HECW1: variants seen among roughly 807,000 people sequenced by gnomAD.
The protein encoded by HECW1 is E3 ubiquitin-protein ligase HECW1.
HECW1 carries 61 observed loss-of-function variants against 182.3 expected under a neutral mutation model. The ratio of observed to expected loss-of-function variants is 0.33; its 90% CI spans 0.27 to 0.41. The LOEUF (loss-of-function observed/expected upper bound fraction) is 0.41. Among genes scored for constraint, HECW1 ranks in the 10% least tolerant of loss-of-function variants. HECW1 has a pLI of 1.00. For missense variants in HECW1, 1,739 were observed against 2,108.9 expected (o/e 0.82, Z 3.44); for synonymous variants, 859 against 832.6 (o/e 1.03, Z -0.55).
chr7:43,143,357 A>C (rs1025025740), intron 2 of HECW1, among the ~76,000 whole-genome samples: 1 of 152,052 alleles, frequency 6.6e-6, no homozygotes, highest in Non-Finnish European at 1.5e-5. Flanking sequence ...GATCACAGCT[A>C]ACTGCAGCCT....
intron 16 of HECW1, 110 bp from the exon 17 acceptor site, chr7:43,479,500 G>A (rs1444069644): frequency 2.3e-6 from 3 of 1,280,914 alleles, no homozygotes; most frequent in African/African-American, 3.0e-5. Flanking sequence ...GGGGAGGCTG[G>A]GCAGAAATAA....
At chr7:43,436,163 C>CA (rs750081980) in intron 8 of HECW1, among the ~76,000 whole-genome samples, 29,916 of 66,916 alleles carry the variant, frequency 0.45, 6,021 homozygotes, top group Middle Eastern at 0.61. Context: ...GACTTTGTCT[C>CA]AAAAAAAAAA....
intron 17 of HECW1, among the ~76,000 whole-genome samples, chr7:43,480,719 G>A (rs1028214869): frequency 7.1e-5 from 10 of 141,104 alleles, no homozygotes; most frequent in South Asian, 2.4e-4. Context: ...ACATATATAC[G>A]CATATATATA....
At chr7:43,479,232 TG>T (rs2078329055) in intron 16 of HECW1, among the ~76,000 whole-genome samples, 1 of 152,188 alleles carries the variant, frequency 6.6e-6, no homozygotes, top group African/African-American at 2.4e-5. Context: ...TGCTGCCATC[TG>T]GGGGTAACGA....
chr7:43,332,403 A>G (rs1032294022), intron 5 of HECW1, among the ~76,000 whole-genome samples: 1 of 152,194 alleles, frequency 6.6e-6, no homozygotes, highest in African/African-American at 2.4e-5. Context: ...ATCCCCAGGC[A>G]TGCGCACAGG....
intron 5 of HECW1, among the ~76,000 whole-genome samples, chr7:43,355,724 G>C (rs1253982085): frequency 6.6e-6 from 1 of 152,164 alleles, no homozygotes; most frequent in Admixed American, 6.5e-5. Flanking sequence ...AGGCACAGTA[G>C]CTCATGCCTG....
intron 2 of HECW1, among the ~76,000 whole-genome samples, chr7:43,238,869 AC>A (rs1460301086): frequency 6.6e-6 from 1 of 152,134 alleles, no homozygotes; most frequent in African/African-American, 2.4e-5. Flanking sequence ...GTCATTGCTG[AC>A]AGGAAATGAT....
intron 3 of HECW1, among the ~76,000 whole-genome samples, chr7:43,247,844 A>G (rs565398824): frequency 8.8e-6 from 1 of 113,126 alleles, no homozygotes; most frequent in Non-Finnish European, 1.6e-5. Flanking sequence ...GAAGGAAGGA[A>G]GAAGGAAGGA....
At chr7:43,423,586 C>T (rs1052970962) in intron 8 of HECW1, among the ~76,000 whole-genome samples, 19 of 152,138 alleles carry the variant, frequency 1.2e-4, no homozygotes, top group Non-Finnish European at 2.5e-4. Context: ...AGCAGTGAAA[C>T]TCCTTGAAAA....
intron 3 of HECW1, among the ~76,000 whole-genome samples, chr7:43,274,987 A>G (rs1404604370): frequency 1.3e-5 from 2 of 152,218 alleles, no homozygotes; most frequent in Non-Finnish European, 2.9e-5. Context: ...GGAAGTGTCC[A>G]GGGGTCTCTA....
Position 43,407,746 on chromosome 7 carries a change from C to T in HECW1, c.801+15C>T. Reference sequence around the variant, plus strand: ...GGCAGGCCGAGGTGAGTGCTGTGGGCCCTGAAAAAAAGCCCAAGTAAAAGT... The same window carrying T: ...GGCAGGCCGAGGTGAGTGCTGTGGGTCCTGAAAAAAAGCCCAAGTAAAAGT... On this transcript the variant is annotated intron_variant, in intron 8 of 29. Transcript: ENST00000395891. The T allele has an allele frequency of 1.9e-6, 3 of 1,588,190 alleles. No individual in the cohort carries two copies. Among genetic ancestry groups the T allele is most frequent in the Non-Finnish European group, 2.6e-6 (3 of 1,165,868 alleles).
intron 3 of HECW1, among the ~76,000 whole-genome samples, chr7:43,277,381 G>A (rs545774040): frequency 5.9e-5 from 9 of 152,168 alleles, no homozygotes; most frequent in South Asian, 2.1e-4. Context: ...TTGTTGTTCC[G>A]TTTGGTTTTG....
At chr7:43,308,474 A>G (rs1471389512) in intron 3 of HECW1, among the ~76,000 whole-genome samples, 3 of 149,948 alleles carry the variant, frequency 2.0e-5, no homozygotes, top group Non-Finnish European at 4.4e-5. Context: ...TTAAAAATAA[A>G]AAGGAGCAAC....
chr7:43,389,742 G>C (rs2074945723), intron 6 of HECW1, among the ~76,000 whole-genome samples: 2 of 152,072 alleles, frequency 1.3e-5, no homozygotes, highest in South Asian at 2.1e-4. Context: ...CTGGGCTCAA[G>C]GGATCCTCCT....
intron 2 of HECW1, among the ~76,000 whole-genome samples, chr7:43,203,855 C>A (rs182256846): frequency 6.6e-6 from 1 of 152,168 alleles, no homozygotes; most frequent in Non-Finnish European, 1.5e-5. Flanking sequence ...CAGTTGTATA[C>A]CCCACTTTCT....
intron 3 of HECW1, among the ~76,000 whole-genome samples, chr7:43,288,588 T>C (rs1320570831): frequency 6.6e-6 from 1 of 152,142 alleles, no homozygotes; most frequent in Non-Finnish European, 1.5e-5. Context: ...CCCAGGCTAG[T>C]TCCTCCCTCA....
chr7:43,468,117 C>A (rs1374369231), intron 15 of HECW1, among the ~76,000 whole-genome samples: 1 of 151,894 alleles, frequency 6.6e-6, no homozygotes, highest in Non-Finnish European at 1.5e-5. Flanking sequence ...CACACACCAA[C>A]CCTGTGTACC....
chr7:43,244,042 C>T (rs908964121), intron 3 of HECW1, 110 bp downstream of exon 3: 1 of 850,786 alleles, frequency 1.2e-6, no homozygotes, highest in African/African-American at 1.7e-5. Flanking sequence ...TTGCCCAGCC[C>T]AGGAATTATC....
At chr7:43,455,033 A>G (rs1237795116) in intron 12 of HECW1, among the ~76,000 whole-genome samples, 1 of 152,316 alleles carries the variant, frequency 6.6e-6, no homozygotes, top group East Asian at 1.9e-4. Flanking sequence ...AGACGTGAAC[A>G]CATTGCTTCC....
Sources: allele counts gnomAD v4.1 joint callset (sites outside exome capture counted in the v4.1 genomes callset), GRCh38; gene constraint gnomAD v4.1.1; transcripts MANE v1.5; gene names NCBI Gene and HGNC (gene_info 2026-07-23, HGNC 2026-07-21).